Variants in TAFA4 observed in about 807,000 individuals in gnomAD.
TAFA4 encodes the protein chemokine-like protein TAFA-4.
TAFA4 carries 20 observed loss-of-function variants against 21.1 expected under a neutral mutation model. That is an observed-to-expected ratio of 0.95 (90% CI 0.67 to 1.38). TAFA4 has a LOEUF of 1.38. Among genes scored for constraint, TAFA4 ranks in the 40% most tolerant of loss-of-function variants. The probability of loss-of-function intolerance (pLI) is 0.00; values close to 1 mark genes in which losing one functional copy is unlikely to be tolerated. For synonymous variants in TAFA4, 71 were observed against 67.4 expected (o/e 1.05, Z -0.26); for missense variants, 211 against 180.9 (o/e 1.17, Z -0.95).
At chr3:68,905,351 G>T (rs1471314720) in intron 1 of TAFA4, among the ~76,000 whole-genome samples, 1 of 151,876 alleles carries the variant, frequency 6.6e-6, no homozygotes, top group African/African-American at 2.4e-5. Flanking sequence ...TTGTATTTTA[G>T]TAGAGATGGG....
At chr3:68,733,488 C>T (rs1308652104) in intron 5 of TAFA4, among the ~76,000 whole-genome samples, 1 of 152,142 alleles carries the variant, frequency 6.6e-6, no homozygotes, top group Non-Finnish European at 1.5e-5. Flanking sequence ...AGAATTTTTT[C>T]AAATAAATGG....
intron 3 of TAFA4, among the ~76,000 whole-genome samples, chr3:68,873,333 G>GACAC (rs1348018956): frequency 4.3e-5 from 2 of 46,920 alleles, no homozygotes; most frequent in African/African-American, 1.3e-4. Context: ...GACACACGCA[G>GACAC]ACATACACAC....
intron 3 of TAFA4, among the ~76,000 whole-genome samples, chr3:68,839,637 T>C: frequency 6.6e-6 from 1 of 152,192 alleles, no homozygotes; most frequent in Non-Finnish European, 1.5e-5. Context: ...TAAAAAATCA[T>C]TCAAATTCCT....
chr3:68,783,362 A>G lies in TAFA4; in HGVS notation c.131-30344T>C, dbSNP rs1411188329. Among the ~76,000 whole-genome samples, 5 of 152,220 alleles carry G rather than the reference A, an allele frequency of 3.3e-5. No individual in the cohort carries two copies. The East Asian group carries it at 7.7e-4, about 23-fold the overall frequency. ...CATGGTCATTCATGTAGAAAATCCAAAACAAAGGCAGACAGTCTCAGAACC... is the reference window on the plus strand; with the variant it reads ...CATGGTCATTCATGTAGAAAATCCAGAACAAAGGCAGACAGTCTCAGAACC... On this transcript the variant is annotated intron_variant, in intron 3 of 5. Transcript: ENST00000295569.
At chr3:68,765,999 G>A (rs1702847500) in intron 3 of TAFA4, among the ~76,000 whole-genome samples, 1 of 152,084 alleles carries the variant, frequency 6.6e-6, no homozygotes, top group East Asian at 1.9e-4. Flanking sequence ...CATAAAAAAG[G>A]TACAATGCTG....
chr3:68,922,308 A>C (rs1301742435), intron 1 of TAFA4, among the ~76,000 whole-genome samples: 1 of 152,128 alleles, frequency 6.6e-6, no homozygotes, highest in Non-Finnish European at 1.5e-5. Context: ...GAGGCCAGGG[A>C]ATCTGTTTTA....
chr3:68,736,604 ATTG>A (rs1702245056), intron 5 of TAFA4, among the ~76,000 whole-genome samples: 1 of 152,104 alleles, frequency 6.6e-6, no homozygotes, highest in Non-Finnish European at 1.5e-5. Context: ...GGAAACTATT[ATTG>A]TTATACAGTT....
intron 1 of TAFA4, among the ~76,000 whole-genome samples, chr3:68,895,887 G>A (rs1333899642): frequency 6.6e-6 from 1 of 152,192 alleles, no homozygotes; most frequent in African/African-American, 2.4e-5. Context: ...ACAATGTGAT[G>A]GAGACTAGCT....
chr3:68,824,429 G>A (rs187736554), intron 3 of TAFA4, among the ~76,000 whole-genome samples: 2 of 150,752 alleles, frequency 1.3e-5, no homozygotes, highest in African/African-American at 2.4e-5. Flanking sequence ...ACATCACTCC[G>A]ACCTCCGTTT....
At chr3:68,767,076 AATAGCTTTTGGAGTAC>A (rs1324217690) in intron 3 of TAFA4, among the ~76,000 whole-genome samples, 2 of 152,160 alleles carry the variant, frequency 1.3e-5, no homozygotes, top group Non-Finnish European at 2.9e-5. Flanking sequence ...TATTTATTTC[AATAGCTTTTGGAGTAC>A]AAATGGTTTT....
chr3:68,754,044 T>C (rs905576983), intron 3 of TAFA4, among the ~76,000 whole-genome samples: 5 of 152,246 alleles, frequency 3.3e-5, no homozygotes, highest in African/African-American at 1.2e-4. Flanking sequence ...CCAGTTAATA[T>C]GTGGCCCCAT....
At chr3:68,811,932 G>A (rs1045902452) in intron 3 of TAFA4, among the ~76,000 whole-genome samples, 2 of 152,012 alleles carry the variant, frequency 1.3e-5, no homozygotes, top group African/African-American at 2.4e-5. Context: ...GAGAAAGGTC[G>A]GGTTACCCAC....
At chr3:68,771,353 C>T (rs75898511) in intron 3 of TAFA4, among the ~76,000 whole-genome samples, 22,576 of 152,206 alleles carry the variant, frequency 0.15, 2,649 homozygotes, top group East Asian at 0.48. Context: ...ACTGGGGCTT[C>T]GGGAATCGCA....
chr3:68,779,637 G>C (rs1427373391), intron 3 of TAFA4, among the ~76,000 whole-genome samples: 1 of 152,206 alleles, frequency 6.6e-6, no homozygotes, highest in Non-Finnish European at 1.5e-5. Flanking sequence ...ACATGATGTT[G>C]AGCCTGCAGG....
At chr3:68,807,837 G>C (rs1355981765) in intron 3 of TAFA4, among the ~76,000 whole-genome samples, 1 of 150,200 alleles carries the variant, frequency 6.7e-6, no homozygotes, top group African/African-American at 2.5e-5. Flanking sequence ...AGCTGCATTT[G>C]AAGCTGTGTC....
intron 3 of TAFA4, among the ~76,000 whole-genome samples, chr3:68,757,206 C>A (rs556330982): frequency 1.3e-5 from 2 of 152,010 alleles, no homozygotes; most frequent in Non-Finnish European, 2.9e-5. Context: ...TCTTGGTGAG[C>A]GCTCTCCTCC....
intron 5 of TAFA4, among the ~76,000 whole-genome samples, chr3:68,736,047 C>T (rs1279085578): frequency 6.6e-6 from 1 of 152,054 alleles, no homozygotes; most frequent in Non-Finnish European, 1.5e-5. Flanking sequence ...TAGCTTTTCA[C>T]CCTTAGTAGA....
At chr3:68,753,077 C>A in intron 3 of TAFA4, 59 bp from the exon 4 acceptor site, 4 of 1,519,200 alleles carry the variant, frequency 2.6e-6, no homozygotes, top group Non-Finnish European at 2.7e-6. Context: ...ATGACACCAC[C>A]AAAACCAAAA....
chr3:68,777,737 G>A (rs191889372), intron 3 of TAFA4, among the ~76,000 whole-genome samples: 31 of 152,186 alleles, frequency 2.0e-4, no homozygotes, highest in Admixed American at 1.8e-3. Context: ...TGTATCTGTC[G>A]ATGACAGACG....
Sources: allele counts gnomAD v4.1 joint callset (sites outside exome capture counted in the v4.1 genomes callset), GRCh38; gene constraint gnomAD v4.1.1; transcripts MANE v1.5; gene names NCBI Gene and HGNC (gene_info 2026-07-23, HGNC 2026-07-21).